Variants in DLG2 observed in about 807,000 individuals in gnomAD.
DLG2 encodes the protein discs large MAGUK scaffold protein 2, also known as disks large homolog 2.
Under a neutral mutation model 132.5 loss-of-function variants are expected in DLG2, and 45 were observed. The ratio of observed to expected loss-of-function variants is 0.34; its 90% CI spans 0.27 to 0.44. The LOEUF is 0.44. Ranked by LOEUF, DLG2 falls within the 20% of genes least tolerant of loss-of-function variation. DLG2 has a pLI of 1.00. For synonymous variants in DLG2, 424 were observed against 419.6 expected (o/e 1.01, Z -0.13); for missense variants, 1,045 against 1,196.9 (o/e 0.87, Z 1.87).
chr11:84,677,600 G>A (rs2099716539), intron 6 of DLG2, among the ~76,000 whole-genome samples: 1 of 151,994 alleles, frequency 6.6e-6, no homozygotes, highest in Non-Finnish European at 1.5e-5. Context: ...CACTAAAAAT[G>A]TTGCTGAGTA....
In DLG2 at chr11:83,610,122, A is replaced by C. The variant is rs558135354; in HGVS notation, c.1940+23089T>G. Among the ~76,000 whole-genome samples, 25 of 152,338 alleles carry C rather than the reference A, an allele frequency of 1.6e-4. No homozygotes were observed. The East Asian group carries it at 4.6e-3, about 28-fold the overall frequency. ...ATGTCCAGTGTTTATATTTACTACA[A>C]ATACTAGGTCTCTAAGACCTGGGCT... On this transcript the variant is annotated intron_variant, in intron 19 of 27. Coordinates refer to ENST00000376104, the MANE Select transcript of DLG2 (RefSeq NM_001142699.3).
intron 7 of DLG2, among the ~76,000 whole-genome samples, chr11:84,418,234 G>T (rs930083381): frequency 6.6e-6 from 1 of 152,018 alleles, no homozygotes; most frequent in African/African-American, 2.4e-5. Flanking sequence ...ATACATCCTG[G>T]CACATAGTAA....
intron 14 of DLG2, among the ~76,000 whole-genome samples, chr11:83,959,957 T>A (rs2088083038): frequency 6.6e-6 from 1 of 152,136 alleles, no homozygotes; most frequent in Non-Finnish European, 1.5e-5. Context: ...ACTCTATGTA[T>A]TGTTAATCTT....
At chr11:84,854,965 G>C (rs913164806) in intron 6 of DLG2, among the ~76,000 whole-genome samples, 1 of 151,986 alleles carries the variant, frequency 6.6e-6, no homozygotes. Flanking sequence ...ACCTCTCTAA[G>C]TATCTACCTA....
intron 6 of DLG2, among the ~76,000 whole-genome samples, chr11:84,949,103 G>C (rs2050595162): frequency 6.6e-6 from 1 of 152,088 alleles, no homozygotes; most frequent in South Asian, 2.1e-4. Flanking sequence ...GAAATAAAGG[G>C]ACAGAGTACA....
chr11:85,359,672 C>T (rs1339215403), intron 3 of DLG2, among the ~76,000 whole-genome samples: 1 of 152,086 alleles, frequency 6.6e-6, no homozygotes, highest in East Asian at 1.9e-4. Context: ...AGAGAGCTGA[C>T]AGTTCAGGCA....
Position 85,613,071 on chromosome 11 carries a change from C to T in DLG2, c.-93+13516G>A, listed in dbSNP as rs1024662845. On this transcript the variant is annotated intron_variant, in intron 2 of 27. Transcript: ENST00000376104. ...GCTGTCCGGCGTTTATAGGAAAAGG[C>T]TTCTGAAATCAGAAAACGCCTTTCA... Among the ~76,000 whole-genome samples the T allele has an allele frequency of 6.6e-5, 10 of 152,170 alleles. No homozygotes were observed. In the East Asian group the frequency reaches 1.9e-3, roughly 29 times the overall value.
intron 6 of DLG2, among the ~76,000 whole-genome samples, chr11:84,948,269 T>C (rs376399883): frequency 3.3e-5 from 5 of 152,350 alleles, no homozygotes; most frequent in South Asian, 2.1e-4. Flanking sequence ...CTCTGTTACA[T>C]TGTAAGTTAC....
intron 3 of DLG2, among the ~76,000 whole-genome samples, chr11:85,399,294 C>T (rs372847403): frequency 1.2e-3 from 186 of 151,906 alleles, no homozygotes; most frequent in Non-Finnish European, 1.8e-3. Flanking sequence ...CACAAACAAA[C>T]GAAAGAACAT....
At chr11:85,297,964 G>A (rs2079345277) in intron 3 of DLG2, among the ~76,000 whole-genome samples, 1 of 152,120 alleles carries the variant, frequency 6.6e-6, no homozygotes, top group Admixed American at 6.5e-5. Context: ...AGTAGTATGA[G>A]GAGGGCGCCC....
rs556890571 is a variant in DLG2, at chr11:85,345,389, G to A, written c.41-60024C>T. ...ACATAGGGTGTGGCTTGATAGTGAC[G>A]TTAAGAAGAAAAGGAAATTTACACA... On this transcript the variant is annotated intron_variant, in intron 3 of 27. Coordinates refer to ENST00000376104, the MANE Select transcript of DLG2 (RefSeq NM_001142699.3). 4.6e-5 allele frequency among the ~76,000 whole-genome samples: 7 copies of A among 151,890 alleles called. No homozygotes were observed. The South Asian group carries it at 6.2e-4, about 14-fold the overall frequency.
At chr11:85,306,730 G>T (rs148471082) in intron 3 of DLG2, among the ~76,000 whole-genome samples, 1 of 152,002 alleles carries the variant, frequency 6.6e-6, no homozygotes, top group Non-Finnish European at 1.5e-5. Flanking sequence ...CCACCACCAC[G>T]CCCGGCTAAT....
At chr11:84,537,268 G>C (rs1345948582) in intron 6 of DLG2, among the ~76,000 whole-genome samples, 1 of 151,924 alleles carries the variant, frequency 6.6e-6, no homozygotes, top group African/African-American at 2.4e-5. Flanking sequence ...CACCACGCCT[G>C]GCTATTTTTT....
At chr11:84,580,251 G>C (rs950382776) in intron 6 of DLG2, among the ~76,000 whole-genome samples, 7 of 152,150 alleles carry the variant, frequency 4.6e-5, no homozygotes, top group African/African-American at 1.7e-4. Context: ...CATAAATAAT[G>C]ATTAAGATAT....
At chr11:83,927,143 T>G (rs182343998) in intron 15 of DLG2, among the ~76,000 whole-genome samples, 10 of 152,248 alleles carry the variant, frequency 6.6e-5, no homozygotes, top group African/African-American at 2.4e-4. Context: ...CAGGTAACAG[T>G]TTGCTTGTTT....
At chr11:83,731,757 G>A (rs111898776) in intron 18 of DLG2, among the ~76,000 whole-genome samples, 16 of 152,196 alleles carry the variant, frequency 1.1e-4, no homozygotes, top group Admixed American at 6.5e-4. Flanking sequence ...CCCACCAACA[G>A]TGTAAAAGCA....
At chr11:84,831,785 G>C (rs1196959059) in intron 6 of DLG2, among the ~76,000 whole-genome samples, 2 of 151,422 alleles carry the variant, frequency 1.3e-5, no homozygotes, top group African/African-American at 4.8e-5. Context: ...TCCCCTCACA[G>C]AAAAAAAGTT....
At chr11:84,582,889 C>A (rs984274722) in intron 6 of DLG2, among the ~76,000 whole-genome samples, 12 of 152,126 alleles carry the variant, frequency 7.9e-5, no homozygotes, top group Non-Finnish European at 4.4e-5. Flanking sequence ...ACAGGTGTTG[C>A]AGTAAGTAGT....
At chr11:85,283,493 C>A (rs522652) in intron 4 of DLG2, among the ~76,000 whole-genome samples, 83,939 of 142,218 alleles carry the variant, frequency 0.59, 23,937 homozygotes, top group Middle Eastern at 0.69. Context: ...GAAAAAAAAA[C>A]AATTATGACA....
Sources: allele counts gnomAD v4.1 joint callset (sites outside exome capture counted in the v4.1 genomes callset), GRCh38; gene constraint gnomAD v4.1.1; transcripts MANE v1.5; gene names NCBI Gene and HGNC (gene_info 2026-07-23, HGNC 2026-07-21).